Variants in LYZL4 observed in about 807,000 individuals in gnomAD.
LYZL4 encodes lysozyme like 4.
In LYZL4, 13 loss-of-function variants were observed where a neutral mutation model predicts 17.6. That is an observed-to-expected ratio of 0.74 (90% CI 0.48 to 1.18). The LOEUF is 1.18. Among genes scored for constraint, LYZL4 ranks in the 50% most tolerant of loss-of-function variants. LYZL4 has a pLI of 0.00. For missense variants in LYZL4, 174 were observed against 188.2 expected (o/e 0.92, Z 0.44); for synonymous variants, 64 against 67.7 (o/e 0.95, Z 0.27).
chr3:42,390,530 A>G, the LYZL4 span, among the ~76,000 whole-genome samples: 1 of 150,220 alleles, frequency 6.7e-6, no homozygotes, highest in African/African-American at 2.5e-5. Context: ...CCCTTTCATC[A>G]TGGCAGGAGC....
the LYZL4 span, among the ~76,000 whole-genome samples, chr3:42,377,269 T>TTAA: frequency 6.6e-6 from 1 of 152,158 alleles, no homozygotes; most frequent in Non-Finnish European, 1.5e-5. Flanking sequence ...ACAATCTCCT[T>TTAA]TAACCCTCAC....
chr3:42,373,954 A>G, the LYZL4 span, among the ~76,000 whole-genome samples: 4 of 152,204 alleles, frequency 2.6e-5, no homozygotes, highest in East Asian at 7.7e-4. Context: ...TGTAAGGATA[A>G]TGAAATGAAA....
the LYZL4 span, among the ~76,000 whole-genome samples, chr3:42,384,180 T>C: frequency 6.6e-6 from 1 of 152,182 alleles, no homozygotes; most frequent in East Asian, 1.9e-4. Flanking sequence ...AGAGGAAAAT[T>C]ATTTTTGACT....
At chr3:42,373,508 C>T in the LYZL4 span, among the ~76,000 whole-genome samples, 1 of 152,176 alleles carries the variant, frequency 6.6e-6, no homozygotes, top group Non-Finnish European at 1.5e-5. Context: ...GCTCTTAGTA[C>T]AAGCTGTTTA....
chr3:42,364,500 G>A, the LYZL4 span, among the ~76,000 whole-genome samples: 1 of 151,716 alleles, frequency 6.6e-6, no homozygotes, highest in Non-Finnish European at 1.5e-5. Flanking sequence ...TCGCCACCTC[G>A]CCCAGCTAAT....
At chr3:42,372,849 T>A in the LYZL4 span, among the ~76,000 whole-genome samples, 1 of 152,130 alleles carries the variant, frequency 6.6e-6, no homozygotes, top group Non-Finnish European at 1.5e-5. Context: ...CAGCATGTAT[T>A]ACAAGGGTCC....
the LYZL4 span, among the ~76,000 whole-genome samples, chr3:42,369,751 C>T: frequency 6.6e-6 from 1 of 152,170 alleles, no homozygotes; most frequent in Non-Finnish European, 1.5e-5. Flanking sequence ...TTTTAACTCC[C>T]CTACCCCACA....
intron 4 of LYZL4, among the ~76,000 whole-genome samples, chr3:42,398,109 T>G (rs916130542): frequency 6.6e-6 from 1 of 152,056 alleles, no homozygotes; most frequent in African/African-American, 2.4e-5. Context: ...AGTTACAGAG[T>G]GGCAGGGAAA....
chr3:42,387,348 C>A, the LYZL4 span, among the ~76,000 whole-genome samples: 1 of 152,170 alleles, frequency 6.6e-6, no homozygotes, highest in East Asian at 1.9e-4. Context: ...AACCACCTAG[C>A]GTGGGCCTCA....
chr3:42,393,537 G>A (rs747896098), downstream of LYZL4, among the ~76,000 whole-genome samples: 24 of 152,262 alleles, frequency 1.6e-4, no homozygotes, highest in Middle Eastern at 6.8e-3. Flanking sequence ...ACTTTGTTGC[G>A]GTAGGAAAAA....
chr3:42,404,159 C>T (rs1309643203), intron 3 of LYZL4, 35 bp from the exon 4 acceptor site: 2 of 1,413,374 alleles, frequency 1.4e-6, no homozygotes, highest in African/African-American at 1.4e-5. Flanking sequence ...TACCATGCTG[C>T]CATATGACAG....
At chr3:42,408,408 C>T (rs772635234) in intron 1 of LYZL4, among the ~76,000 whole-genome samples, 30 of 152,190 alleles carry the variant, frequency 2.0e-4, no homozygotes, top group Non-Finnish European at 3.7e-4. Context: ...CATGGTTCTT[C>T]CCAATGCACA....
At chr3:42,401,559 C>T (rs1354840326) in intron 4 of LYZL4, among the ~76,000 whole-genome samples, 1 of 151,930 alleles carries the variant, frequency 6.6e-6, no homozygotes, top group Non-Finnish European at 1.5e-5. Context: ...ACTGCAGGAT[C>T]CAGAAGTAAA....
chr3:42,409,543 C>G (rs1698826499), intron 1 of LYZL4, among the ~76,000 whole-genome samples: 2 of 152,190 alleles, frequency 1.3e-5, no homozygotes, highest in South Asian at 2.1e-4. Context: ...CCCCTCTCCC[C>G]CAGAAGCCAG....
intron 1 of LYZL4, among the ~76,000 whole-genome samples, chr3:42,408,964 A>C (rs114645525): frequency 0.023 from 3,446 of 152,344 alleles, 57 homozygotes; most frequent in South Asian, 0.085. Flanking sequence ...AGTTAGAAAT[A>C]AGTGTATTCA....
downstream of LYZL4, among the ~76,000 whole-genome samples, chr3:42,392,259 A>T (rs1283281323): frequency 6.6e-6 from 1 of 152,130 alleles, no homozygotes; most frequent in African/African-American, 2.4e-5. Context: ...GTTCATAACC[A>T]CATGGGGAAT....
chr3:42,404,695 G>C (rs1698718494), intron 3 of LYZL4, among the ~76,000 whole-genome samples: 1 of 152,000 alleles, frequency 6.6e-6, no homozygotes, highest in South Asian at 2.1e-4. Context: ...TTTATAGATA[G>C]ATATCTATAT....
At chr3:42,393,339 A>G (rs901611437), downstream of LYZL4, among the ~76,000 whole-genome samples, 12 of 134,188 alleles carry the variant, frequency 8.9e-5, no homozygotes, top group South Asian at 2.2e-4. Context: ...GTGCGCGTGC[A>G]CACACACACA....
At chr3:42,371,983 G>A in the LYZL4 span, among the ~76,000 whole-genome samples, 1 of 152,324 alleles carries the variant, frequency 6.6e-6, no homozygotes, top group South Asian at 2.1e-4. Flanking sequence ...CTGCTATTCT[G>A]TGGCCAGGAG....
Sources: allele counts gnomAD v4.1 joint callset (sites outside exome capture counted in the v4.1 genomes callset), GRCh38; gene constraint gnomAD v4.1.1; transcripts MANE v1.5; gene names NCBI Gene and HGNC (gene_info 2026-07-23, HGNC 2026-07-21).